Variants in HYDIN observed in about 807,000 individuals in gnomAD.
The protein encoded by HYDIN is axonemal central pair apparatus protein HYDIN.
A neutral mutation model predicts 403.9 loss-of-function variants in HYDIN; 132 were observed. The ratio of observed to expected loss-of-function variants is 0.33; its 90% confidence interval spans 0.28 to 0.38. HYDIN has a LOEUF of 0.38. HYDIN is among the 10% of genes least tolerant of loss of function. HYDIN has a pLI of 1.00. For missense variants in HYDIN, 2,827 were observed against 5,009.5 expected (o/e 0.56, Z 13.15); for synonymous variants, 1,202 against 1,891.7 (o/e 0.64, Z 9.46).
At position 70,902,817 on chromosome 16, in the gene HYDIN, ATATAT is replaced by A. The variant is rs1317809828; in HGVS notation, c.8849+803_8849+807del. Among the ~76,000 whole-genome samples, 28 of 15,652 alleles carry A rather than the reference ATATAT, an allele frequency of 1.8e-3. 1 individual carries two copies. Among genetic ancestry groups the A allele is most frequent in the African/African-American group, 7.8e-3 (28 of 3,610 alleles). 10.3% of individuals were successfully genotyped at this position (15,652 alleles called of 152,430 possible). On this transcript the variant is annotated intron_variant, in intron 52 of 85. Transcript: ENST00000393567. ...TAAATATATATATATATATATATAT[ATATAT>A]TTTTTTTTTTTTTTTTGTCCCACTC...
chr16:71,175,472 G>A (rs1029074212), intron 5 of HYDIN, 135 bp downstream of exon 5: 1 of 925,756 alleles, frequency 1.1e-6, no homozygotes, highest in South Asian at 1.6e-5. Context: ...CAACACAAAT[G>A]TCAATACCAA....
In HYDIN at chr16:70,833,626, TA is replaced by T. The variant is rs1363797986; in HGVS notation, c.13679+260del. The stretch of plus-strand genomic sequence containing the variant: ...TAGCAGTCTTGGTCTCATAGAACTG[TA>T]GTTGGATTAAATGATGTGTGCCATG... On this transcript the variant is annotated intron_variant, in intron 79 of 85. Transcript: ENST00000393567. Among the ~76,000 whole-genome samples, 3 of 129,598 alleles carry T rather than the reference TA, an allele frequency of 2.3e-5. No individual in the cohort carries two copies. In the Admixed American group the frequency reaches 2.4e-4, roughly 10 times the overall value. 85.0% of individuals were successfully genotyped at this position (129,598 alleles called of 152,430 possible). A position where few individuals can be genotyped will look rare whatever the true frequency, so the allele number is the denominator to read the frequency against.
At chr16:71,196,020 G>A (rs2144691981) in intron 1 of HYDIN, among the ~76,000 whole-genome samples, 1 of 152,228 alleles carries the variant, frequency 6.6e-6, no homozygotes, top group South Asian at 2.1e-4. Flanking sequence ...AGAAAGGTAT[G>A]GTTGCAAAAA....
At position 71,000,564 on chromosome 16, in the gene HYDIN, T is replaced by C. The variant is rs1013654732; in HGVS notation, c.3645-8354A>G. Among the ~76,000 whole-genome samples the C allele has an allele frequency of 2.0e-5, 3 of 151,864 alleles. No homozygotes were observed. The East Asian group carries it at 5.8e-4, about 29-fold the overall frequency. On this transcript the variant is annotated intron_variant, in intron 23 of 85. Transcript: ENST00000393567. ...TGGGCCCCAACATGGAGATAGCTTTTAAGTTAAATATAAAGAGAGCTAAAG... is the reference window on the plus strand; with the variant it reads ...TGGGCCCCAACATGGAGATAGCTTTCAAGTTAAATATAAAGAGAGCTAAAG...
At chr16:71,141,747 C>T (rs1459189684) in intron 7 of HYDIN, among the ~76,000 whole-genome samples, 1 of 152,052 alleles carries the variant, frequency 6.6e-6, no homozygotes, top group Non-Finnish European at 1.5e-5. Flanking sequence ...CTTGACAAGC[C>T]AATTTAGTAT....
intron 49 of HYDIN, 137 bp downstream of exon 49, chr16:70,908,115 T>C (rs1258188450): frequency 6.1e-6 from 4 of 660,182 alleles, no homozygotes; most frequent in African/African-American, 1.8e-5. Context: ...ATTCAAGACA[T>C]GGAAGCTGAT....
chr16:71,021,981 G>T (rs925654460), intron 21 of HYDIN, among the ~76,000 whole-genome samples: 4 of 151,882 alleles, frequency 2.6e-5, no homozygotes, highest in Non-Finnish European at 5.9e-5. Flanking sequence ...TTAGGGATTA[G>T]GTCTGGAGTT....
intron 5 of HYDIN, among the ~76,000 whole-genome samples, chr16:71,163,616 A>G (rs1454160795): frequency 2.0e-5 from 3 of 152,126 alleles, no homozygotes; most frequent in Non-Finnish European, 2.9e-5. Context: ...AACCCTGCCA[A>G]TGGCATGTGA....
chr16:70,847,960 C>T (rs2038334939), intron 75 of HYDIN, among the ~76,000 whole-genome samples: 1 of 146,262 alleles, frequency 6.8e-6, no homozygotes, highest in Non-Finnish European at 1.5e-5. Flanking sequence ...AACTTCTGTT[C>T]ATTTTTCTTC....
chr16:70,857,868 G>T lies in HYDIN; in HGVS notation c.12132C>A (p.Ile4044=). The T allele has an allele frequency of 6.2e-7, 1 of 1,613,426 alleles. No homozygotes were observed. Among genetic ancestry groups the T allele is most frequent in the Non-Finnish European group, 8.5e-7 (1 of 1,179,808 alleles). Residue 4044 remains isoleucine, a splice_region_variant and synonymous_variant, in exon 72 of 86, where the codon ATC becomes ATA. Coordinates refer to ENST00000393567, the MANE Select transcript of HYDIN (RefSeq NM_001270974.2). ...GATGGAAAGGTGTGAACTGGAACAC[G>T]ATCTAACAAGACAATTTGGAACAGA... ...GFIHPEKKAE[I]VFQFTPFHLG...
At chr16:71,214,734 T>G (rs1043589073) in intron 1 of HYDIN, among the ~76,000 whole-genome samples, 3 of 152,216 alleles carry the variant, frequency 2.0e-5, no homozygotes, top group African/African-American at 7.2e-5. Context: ...TTGAGGTACA[T>G]CCTATAAGGC....
intron 62 of HYDIN, among the ~76,000 whole-genome samples, chr16:70,875,147 G>A (rs546371082): frequency 2.0e-4 from 30 of 151,690 alleles, no homozygotes; most frequent in African/African-American, 6.8e-4. Flanking sequence ...AGGAACTGGA[G>A]GTCCAAGGAG....
chr16:71,039,001 G>A (rs1472418439), intron 18 of HYDIN, among the ~76,000 whole-genome samples: 1 of 152,210 alleles, frequency 6.6e-6, no homozygotes, highest in Non-Finnish European at 1.5e-5. Context: ...CCCGAAGCGA[G>A]TCACTTTGCT....
rs566977817 is a variant in HYDIN, at chr16:71,062,286, G to A, written c.2259C>T (p.Ser753=). 77 of 1,569,540 alleles carry A rather than the reference G, an allele frequency of 4.9e-5. No homozygotes were observed. Among genetic ancestry groups the A allele is most frequent in the East Asian group, 4.2e-4 (18 of 43,116 alleles). Residue 753 remains serine (S), a synonymous_variant, in exon 17 of 86, where the codon AGC becomes AGT. Transcript: ENST00000393567. The part of the protein sequence containing the change: ...PTVLFSSPTP[S]GVISPSSTIH... ...TGGTGCTGCTTGGGGAGATGACCCC[G>A]CTGGGGGTGGGGCTGGAAAACAGCA...
chr16:70,923,627 C>T (rs1248873524), intron 45 of HYDIN, among the ~76,000 whole-genome samples: 1 of 125,678 alleles, frequency 8.0e-6, no homozygotes, highest in East Asian at 2.2e-4. Flanking sequence ...ACGGTGAAAC[C>T]CCGTCTCTAC....
intron 60 of HYDIN, among the ~76,000 whole-genome samples, chr16:70,882,181 G>A (rs1402802499): frequency 2.0e-5 from 3 of 152,248 alleles, no homozygotes; most frequent in South Asian, 2.1e-4. Flanking sequence ...ATACAAAGTC[G>A]GAAGAGTTGT....
intron 1 of HYDIN, among the ~76,000 whole-genome samples, chr16:71,197,774 C>T (rs1191617547): frequency 6.6e-6 from 1 of 152,060 alleles, no homozygotes; most frequent in East Asian, 1.9e-4. Context: ...TTGTTTGAGA[C>T]AGAGTCTTAC....
chr16:70,875,528 GC>G (rs1268219604), intron 62 of HYDIN, among the ~76,000 whole-genome samples: 1 of 152,096 alleles, frequency 6.6e-6, no homozygotes, highest in Non-Finnish European at 1.5e-5. Context: ...AGTAATGCTG[GC>G]ACCATCATGA....
chr16:70,884,353 AT>A lies in HYDIN; in HGVS notation c.9775-230del, dbSNP rs1336100355. ...TCAGTGCTTCCTTCTATGCAAATTC[AT>A]TTAGACCAATCATGTTTGAACTAAG... On this transcript the variant is annotated intron_variant, in intron 58 of 85. Transcript: ENST00000393567. Among the ~76,000 whole-genome samples the A allele has an allele frequency of 2.1e-5, 3 of 144,146 alleles. No individual in the cohort carries two copies. In the East Asian group the frequency reaches 6.0e-4, roughly 29 times the overall value. The allele number at this position is 144,146 out of a possible 152,430, so 94.6% of individuals were successfully genotyped here.
Sources: gnomAD v4.1 joint callset for allele counts (sites outside exome capture counted in the v4.1 genomes callset) on GRCh38, gnomAD v4.1.1 for gene constraint, MANE v1.5 for transcripts, NCBI Gene and HGNC (gene_info 2026-07-23, HGNC 2026-07-21) for gene names.